Variants in CLMP observed in about 807,000 individuals in gnomAD.
CLMP encodes CXADR-like membrane protein.
Under a neutral mutation model 45.2 loss-of-function variants are expected in CLMP, and 27 were observed. The ratio of observed to expected loss-of-function variants is 0.60; its 90% confidence interval spans 0.44 to 0.82. The LOEUF (loss-of-function observed/expected upper bound fraction) is 0.82, where lower values mean the gene tolerates loss of function less well. CLMP is among the 40% of genes least tolerant of loss of function. The pLI is 0.00. For synonymous variants in CLMP, 167 were observed against 171.4 expected, an observed-to-expected ratio of 0.97 and a Z score of 0.20; for missense variants, 403 against 448.4, an observed-to-expected ratio of 0.90 and a Z score of 0.91.
At position 123,106,776 on chromosome 11, in the gene CLMP, G is replaced by A. The variant is rs184402756; in HGVS notation, c.29-8824C>T. ...TGGCTCACGCCTGTAATCCCAGCAC[G>A]TTGGGAGGTCGAGGTGGGCGGATCA... On this transcript the variant is annotated intron_variant, in intron 1 of 6. Transcript: ENST00000448775. 1.4e-4 allele frequency among the ~76,000 whole-genome samples: 21 copies of A among 151,980 alleles called. No individual in the cohort carries two copies. The East Asian group carries it at 2.7e-3, about 20-fold the overall frequency.
chr11:123,163,020 G>A (rs1298475441), intron 1 of CLMP, among the ~76,000 whole-genome samples: 2 of 152,112 alleles, frequency 1.3e-5, no homozygotes, highest in Non-Finnish European at 2.9e-5. Context: ...TAGGAAAGTG[G>A]GTACCTGTAC....
chr11:123,118,851 C>G (rs1860752731), intron 1 of CLMP, among the ~76,000 whole-genome samples: 1 of 152,120 alleles, frequency 6.6e-6, no homozygotes, highest in Non-Finnish European at 1.5e-5. Flanking sequence ...CATGTATTTA[C>G]TCAAATGACC....
intron 5 of CLMP, among the ~76,000 whole-genome samples, chr11:123,076,938 C>G (rs1039625047): frequency 4.0e-5 from 6 of 149,816 alleles, no homozygotes; most frequent in African/African-American, 1.5e-4. Context: ...GAAACAAGTA[C>G]ATGGATATTG....
intron 1 of CLMP, among the ~76,000 whole-genome samples, chr11:123,111,199 G>A (rs1477512726): frequency 1.3e-5 from 2 of 152,018 alleles, no homozygotes; most frequent in African/African-American, 4.8e-5. Context: ...GAGTGCAGTG[G>A]CACGATCTGG....
intron 1 of CLMP, among the ~76,000 whole-genome samples, chr11:123,169,405 G>A (rs1361187587): frequency 6.6e-6 from 1 of 152,154 alleles, no homozygotes; most frequent in Non-Finnish European, 1.5e-5. Flanking sequence ...ACCTGCCCAG[G>A]CCTACGGCAG....
At chr11:123,109,405 TAGAGA>T (rs955541655) in intron 1 of CLMP, among the ~76,000 whole-genome samples, 13 of 152,320 alleles carry the variant, frequency 8.5e-5, no homozygotes, top group East Asian at 7.7e-4. Context: ...TCAACTCTTT[TAGAGA>T]AGAGAAGACT....
Position 123,084,572 on chromosome 11 carries a change from T to G in CLMP, c.328A>C (p.Thr110Pro). Residue 110 changes from threonine to proline, a missense_variant, in exon 3 of 7, where the codon ACC becomes CCC. Physicochemically the swap from Thr to Pro is conservative, Grantham distance 38. Transcript: ENST00000448775. ...CGCCCTGAATTCTTAACCTTACAGG[T>G]GTACCGGCCCTCATCACTGGGCTTC... ...PLKPSDEGRYTCKVKNSGRYV... is the reference protein window; with the variant it reads ...PLKPSDEGRYPCKVKNSGRYV... 1 of 1,614,194 alleles carries G rather than the reference T, an allele frequency of 6.2e-7. No homozygotes were observed. Among genetic ancestry groups the G allele is most frequent in the Non-Finnish European group, 8.5e-7 (1 of 1,180,028 alleles).
chr11:123,091,023 C>G (rs753073916), intron 2 of CLMP, among the ~76,000 whole-genome samples: 2 of 152,118 alleles, frequency 1.3e-5, no homozygotes, highest in Non-Finnish European at 2.9e-5. Context: ...CTGCGAGGGT[C>G]CCAGTATCTT....
At chr11:123,128,023 G>A (rs1180229372) in intron 1 of CLMP, among the ~76,000 whole-genome samples, 2 of 131,406 alleles carry the variant, frequency 1.5e-5, no homozygotes, top group African/African-American at 3.0e-5. Flanking sequence ...GTGACAGAAT[G>A]AGACTCTGTC....
intron 1 of CLMP, among the ~76,000 whole-genome samples, chr11:123,190,226 C>T (rs1453237257): frequency 2.0e-5 from 3 of 152,060 alleles, no homozygotes; most frequent in Admixed American, 6.6e-5. Flanking sequence ...CTAACAGTGC[C>T]GCAGGGCAGT....
chr11:123,080,725 C>G (rs1043866727), intron 5 of CLMP, among the ~76,000 whole-genome samples: 2 of 152,128 alleles, frequency 1.3e-5, no homozygotes, highest in Admixed American at 6.5e-5. Flanking sequence ...TATATAAATA[C>G]ATAATAAAGA....
intron 1 of CLMP, among the ~76,000 whole-genome samples, chr11:123,164,613 T>C (rs1861533613): frequency 6.6e-6 from 1 of 152,054 alleles, no homozygotes; most frequent in Non-Finnish European, 1.5e-5. Context: ...TTGATTTTTT[T>C]TTTTTTAAAT....
chr11:123,150,480 A>AAAGAAAGAAAGAGAAAGG lies in CLMP; in HGVS notation c.28+44432_28+44433insCCTTTCTCTTTCTTTCTT, dbSNP rs764502298. On this transcript the variant is annotated intron_variant, in intron 1 of 6. Coordinates refer to ENST00000448775, the MANE Select transcript of CLMP (RefSeq NM_024769.5). ...GAAAGAAAGAAAGAAAGAAAGAAAG[A>AAAGAAAGAAAGAGAAAGG]AAGGAAGGAAGGAAGGAAGGAAGGA... Among the ~76,000 whole-genome samples, 47 of 40,960 alleles carry AAAGAAAGAAAGAGAAAGG rather than the reference A, an allele frequency of 1.1e-3. 2 individuals carry two copies. Among genetic ancestry groups the AAAGAAAGAAAGAGAAAGG allele is most frequent in the Non-Finnish European group, 2.0e-3 (43 of 21,266 alleles). The allele number at this position is 40,960 out of a possible 152,430, so 26.9% of individuals were successfully genotyped here. A position where few individuals can be genotyped will look rare whatever the true frequency, so the allele number is the denominator to read the frequency against.
intron 1 of CLMP, among the ~76,000 whole-genome samples, chr11:123,157,262 G>C (rs1861426974): frequency 6.6e-6 from 1 of 152,160 alleles, no homozygotes; most frequent in Non-Finnish European, 1.5e-5. Flanking sequence ...CATGAATAAA[G>C]AAGAAATGAG....
At chr11:123,185,543 C>T (rs1303779892) in intron 1 of CLMP, among the ~76,000 whole-genome samples, 1 of 152,196 alleles carries the variant, frequency 6.6e-6, no homozygotes, top group East Asian at 1.9e-4. Flanking sequence ...GGAGAGGTGG[C>T]CTCGTTTCCG....
chr11:123,093,048 C>T (rs560375377), intron 2 of CLMP, among the ~76,000 whole-genome samples: 3 of 151,586 alleles, frequency 2.0e-5, no homozygotes, highest in African/African-American at 7.3e-5. Context: ...ACTGGGACTA[C>T]AGGCACCCGC....
At chr11:123,137,824 G>A (rs1469634131) in intron 1 of CLMP, among the ~76,000 whole-genome samples, 2 of 152,184 alleles carry the variant, frequency 1.3e-5, no homozygotes, top group Non-Finnish European at 2.9e-5. Flanking sequence ...ACATGTGCTG[G>A]AGGTTTCAAG....
At chr11:123,130,258 G>T (rs776633631) in intron 1 of CLMP, among the ~76,000 whole-genome samples, 1 of 152,082 alleles carries the variant, frequency 6.6e-6, no homozygotes, top group Non-Finnish European at 1.5e-5. Flanking sequence ...TAACTGCCCC[G>T]AGAGGCCTCA....
intron 1 of CLMP, among the ~76,000 whole-genome samples, chr11:123,127,432 TATA>T (rs566056864): frequency 4.6e-5 from 7 of 152,298 alleles, no homozygotes; most frequent in Non-Finnish European, 1.0e-4. Context: ...CACCTCTTTT[TATA>T]ATGACTTATT....
Sources: allele counts gnomAD v4.1 joint callset (sites outside exome capture counted in the v4.1 genomes callset), GRCh38; gene constraint gnomAD v4.1.1; transcripts MANE v1.5; gene names NCBI Gene and HGNC (gene_info 2026-07-23, HGNC 2026-07-21).